The following ZC3H12B variants were observed in gnomAD, a reference collection of about 807,000 sequenced individuals.
The protein encoded by ZC3H12B is zinc finger CCCH-type containing 12B, also known as probable ribonuclease ZC3H12B.
A neutral mutation model predicts 43.9 loss-of-function variants in ZC3H12B; 7 were observed. That is an observed-to-expected ratio of 0.16 (90% CI 0.09 to 0.30). The LOEUF is 0.30. ZC3H12B is among the 10% of genes least tolerant of loss of function. The pLI is 1.00. For synonymous variants in ZC3H12B, 222 were observed against 241.7 expected (o/e 0.92, Z 0.76); for missense variants, 475 against 670.2 (o/e 0.71, Z 3.22).
At chrX:65,469,060 C>T (rs1232536144) in intron 3 of ZC3H12B, 1 of 111,251 alleles carries the variant, frequency 9.0e-6, no homozygotes, top group Non-Finnish European at 1.9e-5. Context: ...TTGGCAGGCT[C>T]TATGACATCG....
chrX:65,104,336 TC>T, the ZC3H12B span, among the ~76,000 whole-genome samples: 2 of 111,674 alleles, frequency 1.8e-5, no homozygotes, highest in African/African-American at 6.5e-5. Context: ...GCAATACCAT[TC>T]AGGACATAGG....
the ZC3H12B span, among the ~76,000 whole-genome samples, chrX:65,140,359 G>T: frequency 8.1e-5 from 9 of 111,233 alleles, no homozygotes; most frequent in African/African-American, 2.9e-4. Context: ...TGATCAACTG[G>T]TTTTTGTCTT....
At chrX:65,141,996 C>A in the ZC3H12B span, among the ~76,000 whole-genome samples, 5 of 112,070 alleles carry the variant, frequency 4.5e-5, no homozygotes, top group Admixed American at 4.7e-4. Flanking sequence ...ACTTTTATTG[C>A]ATAATGACTT....
the ZC3H12B span, among the ~76,000 whole-genome samples, chrX:65,129,321 G>T: frequency 9.2e-6 from 1 of 108,114 alleles, no homozygotes; most frequent in Non-Finnish European, 1.9e-5. Flanking sequence ...TCCGTGTGAA[G>T]AGACCACCAA....
chrX:65,391,592 T>C (rs1347780902), intron 2 of ZC3H12B, among the ~76,000 whole-genome samples: 1 of 111,709 alleles, frequency 9.0e-6, no homozygotes, highest in Non-Finnish European at 1.9e-5. Context: ...TGCTGGTCCC[T>C]TGGGCCTGGA....
the ZC3H12B span, among the ~76,000 whole-genome samples, chrX:65,277,528 A>G: frequency 8.9e-6 from 1 of 111,806 alleles, no homozygotes; most frequent in African/African-American, 3.3e-5. Flanking sequence ...TAATCTAATA[A>G]CAATAAAATA....
the ZC3H12B span, among the ~76,000 whole-genome samples, chrX:65,135,697 G>C: frequency 1.0e-5 from 1 of 96,706 alleles, no homozygotes; most frequent in African/African-American, 4.3e-5. Context: ...GTGTTGGTTA[G>C]ATATTTTTTT....
intron 3 of ZC3H12B, among the ~76,000 whole-genome samples, chrX:65,447,784 TG>T (rs1375460916): frequency 1.8e-5 from 2 of 111,015 alleles, no homozygotes; most frequent in African/African-American, 3.3e-5. Context: ...ACAAATGACA[TG>T]AATAGACATT....
chrX:65,095,880 G>A, the ZC3H12B span, among the ~76,000 whole-genome samples: 38 of 110,618 alleles, frequency 3.4e-4, no homozygotes, highest in Non-Finnish European at 5.7e-4. Context: ...TAAATCATAG[G>A]ACTGTAGAAT....
chrX:65,323,343 G>T, the ZC3H12B span, among the ~76,000 whole-genome samples: 1 of 111,420 alleles, frequency 9.0e-6, no homozygotes, highest in Non-Finnish European at 1.9e-5. Context: ...GACATGGGGG[G>T]CCCCCACATC....
chrX:65,272,878 G>A, the ZC3H12B span: 1 of 112,184 alleles, frequency 8.9e-6, no homozygotes, highest in Non-Finnish European at 1.9e-5. Context: ...AGTAAATACT[G>A]TAGGCATTAC....
At chrX:65,041,801 C>T in the ZC3H12B span, among the ~76,000 whole-genome samples, 1 of 111,861 alleles carries the variant, frequency 8.9e-6, no homozygotes, top group Non-Finnish European at 1.9e-5. Flanking sequence ...ATAATGAGTG[C>T]ATGCATATTG....
chrX:65,299,485 T>C, the ZC3H12B span, among the ~76,000 whole-genome samples: 1 of 112,080 alleles, frequency 8.9e-6, no homozygotes, highest in African/African-American at 3.2e-5. Flanking sequence ...CATTCAAAAG[T>C]CATTAATGTG....
intron 2 of ZC3H12B, among the ~76,000 whole-genome samples, chrX:65,374,270 C>CTATA (rs57169099): frequency 1.7e-3 from 137 of 78,787 alleles, no homozygotes; most frequent in African/African-American, 5.0e-3. Context: ...GTAATATATA[C>CTATA]TATATATATA....
the ZC3H12B span, among the ~76,000 whole-genome samples, chrX:65,150,606 G>C: frequency 9.0e-6 from 1 of 110,786 alleles, no homozygotes; most frequent in Admixed American, 9.8e-5. Flanking sequence ...TTCTGTTCTT[G>C]TGTTAGTTTG....
chrX:65,242,999 A>G, the ZC3H12B span, among the ~76,000 whole-genome samples: 1 of 112,140 alleles, frequency 8.9e-6, no homozygotes, highest in Non-Finnish European at 1.9e-5. Context: ...AAAGACTTAA[A>G]TGTAAAACCA....
At chrX:65,392,210 C>T (rs189998307) in intron 2 of ZC3H12B, among the ~76,000 whole-genome samples, 133 of 111,432 alleles carry the variant, frequency 1.2e-3, no homozygotes, top group Middle Eastern at 9.3e-3. Flanking sequence ...TGAGGAGCGT[C>T]TCTGCCTGTC....
intron 3 of ZC3H12B, among the ~76,000 whole-genome samples, chrX:65,450,303 C>CAA (rs1201094322): frequency 4.3e-5 from 3 of 69,589 alleles, no homozygotes; most frequent in African/African-American, 1.9e-4. Context: ...GACTTCATCT[C>CAA]AAAAAAAAAA....
chrX:65,167,252 T>A, the ZC3H12B span, among the ~76,000 whole-genome samples: 5 of 112,217 alleles, frequency 4.5e-5, no homozygotes, highest in African/African-American at 1.6e-4. Flanking sequence ...GTTTCAGCTT[T>A]CTACATATGG....
Sources: gnomAD v4.1 joint callset for allele counts (sites outside exome capture counted in the v4.1 genomes callset) on GRCh38, gnomAD v4.1.1 for gene constraint, MANE v1.5 for transcripts, NCBI Gene and HGNC (gene_info 2026-07-23, HGNC 2026-07-21) for gene names.